ALK: variants seen among roughly 807,000 people sequenced by gnomAD.
The protein encoded by ALK is ALK receptor tyrosine kinase.
Under a neutral mutation model 163.1 loss-of-function variants are expected in ALK, and 74 were observed. The observed-to-expected ratio is 0.45, with a 90% confidence interval of 0.38 to 0.55. The LOEUF (loss-of-function observed/expected upper bound fraction) is 0.55, where lower values mean the gene tolerates loss of function less well. Among genes scored for constraint, ALK ranks in the 20% least tolerant of loss-of-function variants. The pLI, the probability that ALK is intolerant of heterozygous loss-of-function variation, is 0.00. For missense variants in ALK, 2,063 were observed against 2,105.3 expected, an observed-to-expected ratio of 0.98 and a Z score of 0.39; for synonymous variants, 960 against 843.2, an observed-to-expected ratio of 1.14 and a Z score of -2.40.
At chr2:29,733,129 A>G (rs576233084) in intron 1 of ALK, among the ~76,000 whole-genome samples, 135 of 152,278 alleles carry the variant, frequency 8.9e-4, no homozygotes, top group African/African-American at 2.8e-3. Context: ...AGGAAGATAC[A>G]CAATTGGCTA....
chr2:29,326,453 G>A (rs566327576), intron 6 of ALK, among the ~76,000 whole-genome samples: 2 of 152,276 alleles, frequency 1.3e-5, no homozygotes, highest in South Asian at 2.1e-4. Flanking sequence ...AGGCAATCGC[G>A]AAATCACAGA....
chr2:29,709,706 T>C (rs1679017279), intron 2 of ALK, among the ~76,000 whole-genome samples: 1 of 152,016 alleles, frequency 6.6e-6, no homozygotes, highest in African/African-American at 2.4e-5. Context: ...TAATTTGGGG[T>C]TATAGTGCGG....
chr2:29,539,215 A>C (rs1160329543), intron 3 of ALK, among the ~76,000 whole-genome samples: 1 of 152,188 alleles, frequency 6.6e-6, no homozygotes, highest in Non-Finnish European at 1.5e-5. Flanking sequence ...AATAAGGGTT[A>C]TATTTATAAT....
At chr2:29,540,812 A>C (rs1673393809) in intron 3 of ALK, among the ~76,000 whole-genome samples, 1 of 152,176 alleles carries the variant, frequency 6.6e-6, no homozygotes, top group Non-Finnish European at 1.5e-5. Context: ...ATAACCCTGC[A>C]AACTAAAGAT....
intron 1 of ALK, among the ~76,000 whole-genome samples, chr2:29,767,645 G>T (rs1227108058): frequency 6.6e-6 from 1 of 152,162 alleles, no homozygotes; most frequent in African/African-American, 2.4e-5. Flanking sequence ...TAGGCATTTT[G>T]GAATCTGTTT....
At chr2:29,642,143 C>T (rs926325048) in intron 3 of ALK, among the ~76,000 whole-genome samples, 3 of 152,120 alleles carry the variant, frequency 2.0e-5, no homozygotes, top group Non-Finnish European at 4.4e-5. Flanking sequence ...CTCAGCCCCA[C>T]CCCAGAACTG....
chr2:29,858,451 G>A (rs890871549), intron 1 of ALK, among the ~76,000 whole-genome samples: 1 of 152,008 alleles, frequency 6.6e-6, no homozygotes, highest in Non-Finnish European at 1.5e-5. Flanking sequence ...AAAGGTCTGA[G>A]GCCGGGTGCG....
At position 29,221,046 on chromosome 2, in the gene ALK, G is replaced by T. The variant is rs747413222; in HGVS notation, c.3516-211C>A. 1.7e-5 allele frequency: 12 copies of T among 690,268 alleles called. No homozygotes were observed. In the East Asian group the frequency reaches 3.0e-4, roughly 17 times the overall value. The allele number at this position is 690,268 out of a possible 1,614,324, so 42.8% of individuals were successfully genotyped here. A position where few individuals can be genotyped will look rare whatever the true frequency, so the allele number is the denominator to read the frequency against. On this transcript the variant is annotated intron_variant, in intron 22 of 28. Transcript: ENST00000389048. The stretch of plus-strand genomic sequence containing the variant: ...AAGAACCACAGCAGGCTCCACAGGA[G>T]TTCCATTTGCAGGAGAGTGGCTGGA...
chr2:29,722,944 A>C (rs925405479), intron 1 of ALK, among the ~76,000 whole-genome samples: 6 of 152,064 alleles, frequency 3.9e-5, no homozygotes, highest in Non-Finnish European at 8.8e-5. Context: ...TTCACACCCC[A>C]CATCAATTCA....
intron 1 of ALK, among the ~76,000 whole-genome samples, chr2:29,854,472 C>T (rs6547980): frequency 0.24 from 36,156 of 152,018 alleles, 5,365 homozygotes; most frequent in East Asian, 0.47. Context: ...CCTTTGCCTT[C>T]TACCATGATT....
intron 4 of ALK, among the ~76,000 whole-genome samples, chr2:29,397,403 G>C (rs1234287623): frequency 1.3e-5 from 2 of 152,126 alleles, no homozygotes; most frequent in Non-Finnish European, 2.9e-5. Flanking sequence ...GCCTCAGAAG[G>C]AACCAACCCT....
At chr2:29,380,600 T>C (rs1053009882) in intron 5 of ALK, among the ~76,000 whole-genome samples, 3 of 151,420 alleles carry the variant, frequency 2.0e-5, no homozygotes, top group African/African-American at 4.9e-5. Flanking sequence ...TGTTTGTTTG[T>C]TTTTTGTTTT....
chr2:29,292,863 C>A (rs189680609), intron 9 of ALK, among the ~76,000 whole-genome samples: 75 of 152,328 alleles, frequency 4.9e-4, no homozygotes, highest in South Asian at 1.0e-3. Flanking sequence ...TGTCACCAGG[C>A]TTTATGTACC....
intron 25 of ALK, 33 bp downstream of exon 25, chr2:29,209,751 GAC>G: frequency 6.6e-7 from 1 of 1,525,574 alleles, no homozygotes; most frequent in Non-Finnish European, 9.1e-7. Context: ...AGGTGGAAGA[GAC>G]AGGCCCGGAG....
intron 3 of ALK, among the ~76,000 whole-genome samples, chr2:29,564,010 G>T (rs1335278913): frequency 2.6e-5 from 4 of 152,098 alleles, no homozygotes; most frequent in Admixed American, 6.5e-5. Context: ...AGAAGCTTGA[G>T]ATTTATGCCC....
intron 3 of ALK, among the ~76,000 whole-genome samples, chr2:29,549,953 G>T (rs1424009800): frequency 6.6e-6 from 1 of 152,098 alleles, no homozygotes; most frequent in African/African-American, 2.4e-5. Flanking sequence ...TAAGGATTAA[G>T]TATCTTGCCC....
At chr2:29,322,030 C>T (rs1448866449) in intron 6 of ALK, among the ~76,000 whole-genome samples, 1 of 152,226 alleles carries the variant, frequency 6.6e-6, no homozygotes, top group African/African-American at 2.4e-5. Context: ...AGGAAAGGCA[C>T]TCAGCCCTAA....
intron 12 of ALK, among the ~76,000 whole-genome samples, chr2:29,242,987 G>A (rs1003750999): frequency 2.0e-5 from 3 of 152,260 alleles, no homozygotes; most frequent in Non-Finnish European, 4.4e-5. Flanking sequence ...CCTAGAAGGA[G>A]TAGCTCCCTC....
At chr2:29,415,802 G>A (rs1669861481) in intron 4 of ALK, among the ~76,000 whole-genome samples, 1 of 152,218 alleles carries the variant, frequency 6.6e-6, no homozygotes. Flanking sequence ...AAACAAAAAG[G>A]TGGAGGAAGA....
Sources: gnomAD v4.1 joint callset for allele counts (sites outside exome capture counted in the v4.1 genomes callset) on GRCh38, gnomAD v4.1.1 for gene constraint, MANE v1.5 for transcripts, NCBI Gene and HGNC (gene_info 2026-07-23, HGNC 2026-07-21) for gene names.